The following RARB variants were observed in gnomAD, a reference collection of about 807,000 sequenced individuals.
The protein encoded by RARB is retinoic acid receptor beta.
Under a neutral mutation model 51.9 loss-of-function variants are expected in RARB, and 17 were observed. The observed-to-expected ratio is 0.33, with a 90% CI of 0.22 to 0.49. The LOEUF (loss-of-function observed/expected upper bound fraction) is 0.49. Among genes scored for constraint, RARB ranks in the 20% least tolerant of loss-of-function variants. The probability of loss-of-function intolerance (pLI) is 0.99; values close to 1 mark genes in which losing one functional copy is unlikely to be tolerated. For missense variants in RARB, 369 were observed against 550.8 expected (o/e 0.67, Z 3.30); for synonymous variants, 215 against 195.4 (o/e 1.10, Z -0.84).
At chr3:25,589,911 T>C (rs895090509) in intron 5 of RARB, among the ~76,000 whole-genome samples, 2 of 152,224 alleles carry the variant, frequency 1.3e-5, no homozygotes, top group Admixed American at 1.3e-4. Flanking sequence ...GGAGAAGTAC[T>C]TGGTGGTTGC....
chr3:25,140,615 T>C (rs1700093368), intron 4 of RARB, among the ~76,000 whole-genome samples: 1 of 152,176 alleles, frequency 6.6e-6, no homozygotes, highest in African/African-American at 2.4e-5. Context: ...AACGAAACAT[T>C]TAGAATATTC....
At chr3:25,179,637 T>G (rs1700823105) in intron 5 of RARB, among the ~76,000 whole-genome samples, 1 of 152,210 alleles carries the variant, frequency 6.6e-6, no homozygotes, top group South Asian at 2.1e-4. Flanking sequence ...CTCATTGGCT[T>G]AGGGAGGTCA....
At chr3:25,083,972 T>C (rs1575152967) in intron 3 of RARB, among the ~76,000 whole-genome samples, 2 of 152,184 alleles carry the variant, frequency 1.3e-5, no homozygotes, top group African/African-American at 4.8e-5. Context: ...TGTCCAGTAC[T>C]GTGTGGCTTT....
At chr3:24,999,504 C>A (rs975712831) in intron 2 of RARB, among the ~76,000 whole-genome samples, 1 of 152,076 alleles carries the variant, frequency 6.6e-6, no homozygotes, top group Non-Finnish European at 1.5e-5. Flanking sequence ...CAAAGCCTAC[C>A]AATACATACT....
chr3:24,936,806 T>C (rs1396963627), intron 2 of RARB, among the ~76,000 whole-genome samples: 1 of 152,210 alleles, frequency 6.6e-6, no homozygotes, highest in East Asian at 1.9e-4. Flanking sequence ...TTTTGTGTCA[T>C]TTCCTTTCCT....
chr3:25,097,905 T>C (rs1285332629), intron 3 of RARB, among the ~76,000 whole-genome samples: 1 of 152,166 alleles, frequency 6.6e-6, no homozygotes, highest in Non-Finnish European at 1.5e-5. Context: ...GTCAGTATTG[T>C]ATTGGGTTAG....
chr3:24,854,942 T>A (rs1352542031), intron 1 of RARB, among the ~76,000 whole-genome samples: 2 of 152,160 alleles, frequency 1.3e-5, no homozygotes, highest in Non-Finnish European at 2.9e-5. Context: ...GAATCTGTGT[T>A]TTCAAAAGCA....
chr3:25,512,510 C>A (rs753709014), intron 3 of RARB, among the ~76,000 whole-genome samples: 1 of 152,248 alleles, frequency 6.6e-6, no homozygotes, highest in Non-Finnish European at 1.5e-5. Flanking sequence ...CTGTCCAACA[C>A]TGATCTCTTG....
At chr3:25,078,284 C>T (rs938903500) in intron 3 of RARB, among the ~76,000 whole-genome samples, 15 of 152,082 alleles carry the variant, frequency 9.9e-5, no homozygotes, top group African/African-American at 1.7e-4. Context: ...CTTTAATTCA[C>T]TCTAACTTTT....
At chr3:25,382,338 CA>C (rs1361049636) in intron 5 of RARB, among the ~76,000 whole-genome samples, 1 of 152,202 alleles carries the variant, frequency 6.6e-6, no homozygotes, top group African/African-American at 2.4e-5. Flanking sequence ...GGCATGTTTA[CA>C]AACTTTCAAA....
intron 2 of RARB, among the ~76,000 whole-genome samples, chr3:25,013,075 A>G (rs911554871): frequency 5.9e-5 from 9 of 152,136 alleles, no homozygotes; most frequent in African/African-American, 1.7e-4. Context: ...GACCCACTGT[A>G]GTATTGCCAA....
intron 5 of RARB, among the ~76,000 whole-genome samples, chr3:25,243,816 T>A (rs1702489374): frequency 6.6e-6 from 1 of 152,230 alleles, no homozygotes; most frequent in Admixed American, 6.5e-5. Flanking sequence ...AGGATGATGC[T>A]GGCCTCATAA....
At chr3:25,010,815 C>T (rs1372141864) in intron 2 of RARB, among the ~76,000 whole-genome samples, 2 of 152,112 alleles carry the variant, frequency 1.3e-5, no homozygotes, top group Non-Finnish European at 2.9e-5. Flanking sequence ...AACCACTCCT[C>T]CTTTTAAACT....
At chr3:24,986,867 T>G (rs1301755568) in intron 2 of RARB, among the ~76,000 whole-genome samples, 1 of 152,096 alleles carries the variant, frequency 6.6e-6, no homozygotes, top group Non-Finnish European at 1.5e-5. Flanking sequence ...AAAGCGAACC[T>G]CAACAGTTTT....
At chr3:24,888,782 A>G (rs1400834231) in intron 2 of RARB, among the ~76,000 whole-genome samples, 1 of 152,144 alleles carries the variant, frequency 6.6e-6, no homozygotes, top group African/African-American at 2.4e-5. Context: ...AAGAAGTGAG[A>G]GGTGCCCATA....
chr3:25,413,072 A>G (rs1707609462), intron 5 of RARB, among the ~76,000 whole-genome samples: 1 of 152,056 alleles, frequency 6.6e-6, no homozygotes, highest in Admixed American at 6.6e-5. Flanking sequence ...CCCGAACACC[A>G]AAAGCTCCTT....
At chr3:25,429,444 C>T (rs1708113250) in intron 1 of RARB, among the ~76,000 whole-genome samples, 1 of 152,184 alleles carries the variant, frequency 6.6e-6, no homozygotes, top group Non-Finnish European at 1.5e-5. Flanking sequence ...CTGCCGCTTC[C>T]AATGTTTTCC....
At chr3:25,504,425 G>GC (rs1457251093) in intron 3 of RARB, among the ~76,000 whole-genome samples, 1 of 152,176 alleles carries the variant, frequency 6.6e-6, no homozygotes, top group Non-Finnish European at 1.5e-5. Context: ...TGAACGCATT[G>GC]CTTTGAGCAG....
intron 5 of RARB, among the ~76,000 whole-genome samples, chr3:25,398,568 T>A (rs552239317): frequency 6.6e-6 from 1 of 152,292 alleles, no homozygotes; most frequent in African/African-American, 2.4e-5. Context: ...GATGACAGTT[T>A]TAATGTTGAG....
Sources: gnomAD v4.1 joint callset for allele counts (sites outside exome capture counted in the v4.1 genomes callset) on GRCh38, gnomAD v4.1.1 for gene constraint, MANE v1.5 for transcripts, NCBI Gene and HGNC (gene_info 2026-07-23, HGNC 2026-07-21) for gene names.